Variants in SMIM27 observed in about 807,000 individuals in gnomAD.
The protein encoded by SMIM27 is transition zone microprotein 1, also known as TOPORS antisense RNA 1 (non-protein coding).
SMIM27 carries 3 observed loss-of-function variants against 1.8 expected under a neutral mutation model. The ratio of observed to expected loss-of-function variants is 1.65; its 90% confidence interval spans 0.75 to 4.28. The LOEUF is 4.28. Ranked by LOEUF, SMIM27 falls within the 30% of genes most tolerant of loss-of-function variation. SMIM27 has a pLI of 0.02. For missense variants in SMIM27, 63 were observed against 37.0 expected (o/e 1.70, Z -1.83); for synonymous variants, 19 against 13.9 (o/e 1.37, Z -0.82).
upstream of SMIM27, chr9:32,551,442 A>T (rs1353026836): frequency 1.0e-5 from 3 of 299,620 alleles, no homozygotes; most frequent in Non-Finnish European, 2.0e-5. Context: ...GTATCCTATA[A>T]AGTCTTCAGA....
intron 1 of SMIM27, among the ~76,000 whole-genome samples, chr9:32,558,159 T>A (rs1242480475): frequency 2.0e-5 from 3 of 149,312 alleles, no homozygotes; most frequent in Non-Finnish European, 4.4e-5. Flanking sequence ...TCACCCAGGC[T>A]GGAGTGCAGT....
chr9:32,561,937 TTTTC>T (rs1178832472), intron 1 of SMIM27, among the ~76,000 whole-genome samples: 2 of 152,196 alleles, frequency 1.3e-5, no homozygotes, highest in Non-Finnish European at 2.9e-5. Flanking sequence ...ATTTCAATGT[TTTTC>T]TTTGTTTTCC....
At chr9:32,557,008 T>A (rs1202937646), downstream of SMIM27, among the ~76,000 whole-genome samples, 1 of 142,608 alleles carries the variant, frequency 7.0e-6, no homozygotes, top group Non-Finnish European at 1.5e-5. Context: ...TGCACCACCA[T>A]GCCCAGCTAA....
rs572511828 is a variant in SMIM27 at position 32,560,027 on chromosome 9, G to C, written c.46-6364G>C. On this transcript the variant is annotated intron_variant, in intron 1 of 1. Transcript: ENST00000451672. ...TGAGGCATAGAGAACTGGAACATGA[G>C]AGAAACTCAGAATACAATGTGAGCA... Among the ~76,000 whole-genome samples the C allele has an allele frequency of 7.9e-5, 12 of 152,316 alleles. No individual in the cohort carries two copies. In the East Asian group the frequency reaches 2.1e-3, roughly 27 times the overall value.
chr9:32,560,955 A>T (rs1453439841), intron 1 of SMIM27, among the ~76,000 whole-genome samples: 2 of 152,192 alleles, frequency 1.3e-5, no homozygotes, highest in African/African-American at 4.8e-5. Flanking sequence ...CATAAAAATC[A>T]CTCTTGGATG....
At chr9:32,554,424 A>G (rs73479442), downstream of SMIM27, among the ~76,000 whole-genome samples, 20 of 152,342 alleles carry the variant, frequency 1.3e-4, no homozygotes, top group African/African-American at 4.8e-4. Flanking sequence ...TTCTTGATAT[A>G]GATGTGGGCA....
upstream of SMIM27, chr9:32,551,472 G>A (rs955311869): frequency 3.3e-5 from 9 of 269,086 alleles, no homozygotes; most frequent in Non-Finnish European, 6.8e-5. Context: ...CCTCCAGGCT[G>A]GGGAGAAACA....
chr9:32,563,491 C>CTTTTTTTTTTTTTTTTTTT lies in SMIM27; in HGVS notation c.46-2887_46-2886insTTTTTTTTTTTTTTTTTTT, dbSNP rs111646430. The stretch of plus-strand genomic sequence containing the variant: ...CTCCTGAACAGGTGGGACTATTGGG[C>CTTTTTTTTTTTTTTTTTTT]TTTTTTTTTTTTTGGAGGGATGGGG... On this transcript the variant is annotated intron_variant, in intron 1 of 1. Coordinates refer to the SMIM27 transcript ENST00000451672. 9.9e-4 allele frequency among the ~76,000 whole-genome samples: 91 copies of CTTTTTTTTTTTTTTTTTTT among 91,974 alleles called. 12 individuals carry two copies. The highest frequency in any genetic ancestry group is 3.3e-3 in the African/African-American group (74 of 22,572). The allele number at this position is 91,974 out of a possible 152,430, so 60.3% of individuals were successfully genotyped here.
chr9:32,566,632 T>C, exon 2 of SMIM27: 4 of 792,380 alleles, frequency 5.0e-6, no homozygotes, highest in South Asian at 4.0e-5. Context: ...GCACCCACCA[T>C]GGAGGAGCAG....
At chr9:32,561,811 C>T (rs1029761847) in intron 1 of SMIM27, among the ~76,000 whole-genome samples, 1 of 152,180 alleles carries the variant, frequency 6.6e-6, no homozygotes, top group African/African-American at 2.4e-5. Flanking sequence ...TATTTTTCTT[C>T]TTCATCCCTG....
At chr9:32,551,630 G>A (rs1821263710), upstream of SMIM27, 2 of 263,606 alleles carry the variant, frequency 7.6e-6, no homozygotes, top group Admixed American at 8.0e-5. Context: ...TAAGCGGCCC[G>A]TTGCCAGATT....
chr9:32,566,730 C>G (rs1374661120), exon 2 of SMIM27: 2 of 902,014 alleles, frequency 2.2e-6, no homozygotes, highest in Non-Finnish European at 3.7e-6. Flanking sequence ...GGACTCCAAG[C>G]CTTCAAACCA....
intron 1 of SMIM27, among the ~76,000 whole-genome samples, chr9:32,563,237 G>A (rs946301934): frequency 1.3e-5 from 2 of 152,144 alleles, no homozygotes; most frequent in African/African-American, 4.8e-5. Flanking sequence ...GCGTCTGCCA[G>A]ATTTCTCTAC....
At chr9:32,562,803 A>C (rs1482962184) in intron 1 of SMIM27, among the ~76,000 whole-genome samples, 5 of 152,234 alleles carry the variant, frequency 3.3e-5, no homozygotes, top group African/African-American at 1.2e-4. Context: ...GTTTGGACTT[A>C]TCAGAAAATC....
chr9:32,565,912 C>T (rs1279796613), intron 1 of SMIM27, among the ~76,000 whole-genome samples: 1 of 152,146 alleles, frequency 6.6e-6, no homozygotes, highest in Non-Finnish European at 1.5e-5. Context: ...GCGGAGGTTG[C>T]AGTGAGCCAG....
chr9:32,563,288 T>G (rs1821679871), intron 1 of SMIM27, among the ~76,000 whole-genome samples: 1 of 152,196 alleles, frequency 6.6e-6, no homozygotes, highest in African/African-American at 2.4e-5. Context: ...AATTAAATAT[T>G]TTGAGGATAA....
chr9:32,566,802 G>A, exon 2 of SMIM27: 1 of 892,756 alleles, frequency 1.1e-6, no homozygotes. Context: ...CAGGAGGTCG[G>A]CCAGCAGTCT....
intron 1 of SMIM27, among the ~76,000 whole-genome samples, chr9:32,563,520 C>G (rs975621324): frequency 2.9e-4 from 22 of 77,184 alleles, no homozygotes; most frequent in Non-Finnish European, 4.7e-4. Flanking sequence ...GATGGGGTCT[C>G]ATTATGTTGC....
chr9:32,558,115 A>G (rs1382424917), intron 1 of SMIM27, among the ~76,000 whole-genome samples: 1 of 89,966 alleles, frequency 1.1e-5, no homozygotes, highest in Non-Finnish European at 2.7e-5. Flanking sequence ...TTCATAGTAT[A>G]CATTTTTTTT....
Sources: gnomAD v4.1 joint callset for allele counts (sites outside exome capture counted in the v4.1 genomes callset) on GRCh38, gnomAD v4.1.1 for gene constraint, MANE v1.5 for transcripts, NCBI Gene and HGNC (gene_info 2026-07-23, HGNC 2026-07-21) for gene names.